The following BIRC6 variants were observed in gnomAD, a reference collection of about 807,000 sequenced individuals.
The protein encoded by BIRC6 is dual E2 ubiquitin-conjugating enzyme/E3 ubiquitin-protein ligase BIRC6.
In BIRC6, 98 loss-of-function variants were observed where a neutral mutation model predicts 503.3. The ratio of observed to expected loss-of-function variants is 0.19; its 90% CI spans 0.17 to 0.23. The LOEUF (loss-of-function observed/expected upper bound fraction) is 0.23, where lower values mean the gene tolerates loss of function less well. BIRC6 is among the 10% of genes least tolerant of loss of function. The probability of loss-of-function intolerance (pLI) is 1.00; values close to 1 mark genes in which losing one functional copy is unlikely to be tolerated. For synonymous variants in BIRC6, 2,240 were observed against 2,078.7 expected (o/e 1.08, Z -2.11); for missense variants, 5,360 against 5,806.0 (o/e 0.92, Z 2.50).
chr2:32,521,365 C>CG (rs1280532320), intron 57 of BIRC6, among the ~76,000 whole-genome samples: 14 of 21,518 alleles, frequency 6.5e-4, no homozygotes, highest in African/African-American at 2.2e-3. Context: ...GACCTCATCT[C>CG]AAAAAAAAAA....
At chr2:32,484,566 A>G (rs866764981) in intron 39 of BIRC6, among the ~76,000 whole-genome samples, 15 of 149,644 alleles carry the variant, frequency 1.0e-4, no homozygotes, top group Non-Finnish European at 5.9e-5. Context: ...AAAAAAAAAA[A>G]GAAAGAAAGA....
rs202043530 is a variant in BIRC6 at position 32,420,771 on chromosome 2, T to G, written c.2872+4608T>G. Among the ~76,000 whole-genome samples, 27 of 152,082 alleles carry G rather than the reference T, an allele frequency of 1.8e-4. No homozygotes were observed. The East Asian group carries it at 5.0e-3, about 28-fold the overall frequency. ...AAGTGATTCACCTGCATTGGCCTCC[T>G]AAAGTGCTGGGATTACAGGTGTGAG... On this transcript the variant is annotated intron_variant, in intron 10 of 73. Coordinates refer to ENST00000421745, the MANE Select transcript of BIRC6 (RefSeq NM_016252.4).
chr2:32,443,646 A>G, intron 20 of BIRC6, 58 bp downstream of exon 20: 1 of 1,223,270 alleles, frequency 8.2e-7, no homozygotes, highest in South Asian at 1.4e-5. Context: ...TCTCATATGT[A>G]TACTTAGGAT....
intron 9 of BIRC6, among the ~76,000 whole-genome samples, chr2:32,411,361 C>T: frequency 6.7e-6 from 1 of 149,226 alleles, no homozygotes; most frequent in Non-Finnish European, 1.5e-5. Context: ...ATATTTATTT[C>T]CTTTTCTCTG....
intron 39 of BIRC6, among the ~76,000 whole-genome samples, chr2:32,483,642 G>C (rs1204616570): frequency 1.3e-5 from 2 of 152,184 alleles, no homozygotes; most frequent in Non-Finnish European, 2.9e-5. Flanking sequence ...GTCTCATTCA[G>C]TCTGCAGTAG....
intron 37 of BIRC6, 114 bp downstream of exon 37, chr2:32,479,731 G>T (rs1257568687): frequency 4.5e-5 from 44 of 976,694 alleles, no homozygotes; most frequent in Non-Finnish European, 6.0e-5. Flanking sequence ...TAGTTCTTTG[G>T]CCTTATAAAC....
chr2:32,491,403 G>T (rs1271973539), intron 43 of BIRC6, 22 bp from the exon 44 acceptor site: 4 of 1,585,358 alleles, frequency 2.5e-6, no homozygotes, highest in South Asian at 1.2e-5. Context: ...TTCTTAAGAG[G>T]TTTTTAAAAA....
At chr2:32,488,915 CCTA>C (rs1276179706) in intron 42 of BIRC6, among the ~76,000 whole-genome samples, 1 of 152,150 alleles carries the variant, frequency 6.6e-6, no homozygotes, top group African/African-American at 2.4e-5. Context: ...ATAGAAGACT[CCTA>C]CTCTCTGGTC....
chr2:32,514,532 G>T (rs576378135), intron 54 of BIRC6, among the ~76,000 whole-genome samples: 1 of 152,256 alleles, frequency 6.6e-6, no homozygotes, highest in South Asian at 2.1e-4. Flanking sequence ...TTCTCTGGTA[G>T]GTCATCATAT....
intron 8 of BIRC6, among the ~76,000 whole-genome samples, chr2:32,404,529 G>C (rs537427143): frequency 6.6e-6 from 1 of 151,992 alleles, no homozygotes; most frequent in South Asian, 2.1e-4. Context: ...GGCCAGGCTG[G>C]TCTCAAACTC....
At chr2:32,395,077 G>A (rs892286925) in intron 5 of BIRC6, among the ~76,000 whole-genome samples, 2 of 152,048 alleles carry the variant, frequency 1.3e-5, no homozygotes, top group South Asian at 2.1e-4. Flanking sequence ...GCTTGAACCC[G>A]GGGAGGTGGA....
intron 15 of BIRC6, 149 bp from the exon 16 acceptor site, chr2:32,439,359 A>G (rs377665556): frequency 1.8e-4 from 135 of 748,006 alleles, no homozygotes; most frequent in Middle Eastern, 1.4e-3. Flanking sequence ...AGGTGGTTCA[A>G]CTTTCTTCTG....
In BIRC6 at chr2:32,468,628, T is replaced by C; in HGVS notation, c.5972T>C (p.Val1991Ala). 2 of 1,614,062 alleles carry C rather than the reference T, an allele frequency of 1.2e-6. No individual in the cohort carries two copies. Among genetic ancestry groups the C allele is most frequent in the African/African-American group, 1.3e-5 (1 of 75,072 alleles). Residue 1991 changes from valine to alanine, a missense_variant, in exon 29 of 74, where the codon GTG becomes GCG. Physicochemically the swap from Val to Ala is moderately conservative, Grantham distance 64. Coordinates refer to ENST00000421745, the MANE Select transcript of BIRC6 (RefSeq NM_016252.4). Reference sequence around the variant, plus strand: ...CAACTAAATTTGGCTCATAATGCAGTGCAGAGGCTCAAAGTGGCGCTAGGT... The same window carrying C: ...CAACTAAATTTGGCTCATAATGCAGCGCAGAGGCTCAAAGTGGCGCTAGGT... ...QLQLNLAHNA[V>A]QRLKVALGAS...
At position 32,401,033 on chromosome 2, in the gene BIRC6, A is replaced by G. The variant is rs558465679; in HGVS notation, c.1035-130A>G. 10 of 724,028 alleles carry G rather than the reference A, an allele frequency of 1.4e-5. No homozygotes were observed. In the East Asian group the frequency reaches 2.4e-4, roughly 17 times the overall value. 44.9% of individuals were successfully genotyped at this position (724,028 alleles called of 1,614,324 possible). ...CTTCATAAAACTGAATGATTTGGTT[A>G]TATTAAGTCTTTAATGATGAATACT... On this transcript the variant is annotated intron_variant, in intron 6 of 73. Transcript: ENST00000421745.
At chr2:32,478,353 G>A (rs1291801880) in intron 35 of BIRC6, among the ~76,000 whole-genome samples, 3 of 151,944 alleles carry the variant, frequency 2.0e-5, no homozygotes, top group African/African-American at 4.8e-5. Flanking sequence ...AAAAAAAGAA[G>A]AAGGACTTTT....
rs767157618 is a variant in BIRC6 at position 32,478,590 on chromosome 2, A to G, written c.7069-45A>G. The G allele has an allele frequency of 8.5e-6, 13 of 1,529,100 alleles. No individual in the cohort carries two copies. In the East Asian group the frequency reaches 1.4e-4, roughly 16 times the overall value. The allele number at this position is 1,529,100 out of a possible 1,614,324, so 94.7% of individuals were successfully genotyped here. On this transcript the variant is annotated intron_variant, in intron 35 of 73. Coordinates refer to ENST00000421745, the MANE Select transcript of BIRC6 (RefSeq NM_016252.4). ...GACTTCTGTTAGTGTTTGAAAAAAC[A>G]TGTAATTGCTATTTAAGTGTATGAT...
intron 39 of BIRC6, among the ~76,000 whole-genome samples, chr2:32,484,980 C>T (rs1018701839): frequency 6.6e-6 from 1 of 152,204 alleles, no homozygotes; most frequent in Non-Finnish European, 1.5e-5. Flanking sequence ...CATTTTAGCA[C>T]TTCCTTGTTC....
chr2:32,372,829 C>CA (rs1178044273), intron 1 of BIRC6, among the ~76,000 whole-genome samples: 2 of 149,778 alleles, frequency 1.3e-5, no homozygotes, highest in African/African-American at 4.9e-5. Context: ...GACCTTGTCT[C>CA]AAAAAAAGAC....
At chr2:32,609,994 C>CT (rs1340488318) in intron 72 of BIRC6, among the ~76,000 whole-genome samples, 5 of 152,080 alleles carry the variant, frequency 3.3e-5, no homozygotes, top group Non-Finnish European at 5.9e-5. Context: ...GGGCTTTTTG[C>CT]TTTTGTTTAT....
Sources: gnomAD v4.1 joint callset for allele counts (sites outside exome capture counted in the v4.1 genomes callset) on GRCh38, gnomAD v4.1.1 for gene constraint, MANE v1.5 for transcripts, NCBI Gene and HGNC (gene_info 2026-07-23, HGNC 2026-07-21) for gene names.